The following STARD9 variants were observed in gnomAD, a reference collection of about 807,000 sequenced individuals.
The protein encoded by STARD9 is StAR related lipid transfer domain containing 9, also known as stAR-related lipid transfer protein 9.
In STARD9, 346 loss-of-function variants were observed where a neutral mutation model predicts 399.8. That is an observed-to-expected ratio of 0.87 (90% CI 0.79 to 0.95). STARD9 has a LOEUF of 0.95. Ranked by LOEUF, STARD9 falls within the 40% of genes least tolerant of loss-of-function variation. The pLI is 0.00. For missense variants in STARD9, 5,832 were observed against 5,667.5 expected, an observed-to-expected ratio of 1.03 and a Z score of -0.93; for synonymous variants, 2,203 against 2,143.5, an observed-to-expected ratio of 1.03 and a Z score of -0.77.
chr15:42,671,458 C>G (rs951281064), intron 16 of STARD9: 1 of 152,108 alleles, frequency 6.6e-6, no homozygotes. Flanking sequence ...TGCTCCTGTA[C>G]CCTTTCTCCT....
chr15:42,693,699 C>T lies in STARD9; in HGVS notation c.12121C>T (p.His4041Tyr). The T allele has an allele frequency of 6.5e-7, 1 of 1,537,136 alleles. No homozygotes were observed. The highest frequency in any genetic ancestry group is 8.7e-7 in the Non-Finnish European group (1 of 1,146,920). ...FVPEKVASPE[H>Y]CPLSGREPSQ... ...GCCTGAGAAGGTGGCTTCCCCGGAGCATTGCCCACTGAGCGGTAGGGAGCC... is the reference window on the plus strand; with the variant it reads ...GCCTGAGAAGGTGGCTTCCCCGGAGTATTGCCCACTGAGCGGTAGGGAGCC... Residue 4041 changes from histidine to tyrosine, a missense_variant, in exon 23 of 33, where the codon CAT becomes TAT. His to Tyr is a moderately conservative substitution (Grantham distance 83, BLOSUM62 2). Transcript: ENST00000290607.
chr15:42,616,487 C>T (rs765167034), intron 3 of STARD9, among the ~76,000 whole-genome samples: 1 of 152,210 alleles, frequency 6.6e-6, no homozygotes, highest in Non-Finnish European at 1.5e-5. Flanking sequence ...TTCCTGATAA[C>T]TCTGCCAACA....
chr15:42,642,611 C>T (rs1276609165), intron 7 of STARD9, among the ~76,000 whole-genome samples: 1 of 151,936 alleles, frequency 6.6e-6, no homozygotes, highest in Admixed American at 6.6e-5. Context: ...GTTCTTGTGC[C>T]TTTTTTTTCT....
At chr15:42,652,233 T>C (rs1047961033) in intron 8 of STARD9, among the ~76,000 whole-genome samples, 1 of 151,972 alleles carries the variant, frequency 6.6e-6, no homozygotes. Flanking sequence ...GCTCTAGTCT[T>C]CATTTCCCTT....
chr15:42,598,287 T>C (rs1032920272), intron 3 of STARD9, among the ~76,000 whole-genome samples: 1 of 151,878 alleles, frequency 6.6e-6, no homozygotes, highest in Non-Finnish European at 1.5e-5. Context: ...TGCCTCAGCC[T>C]CCCAAAGTGC....
chr15:42,673,819 A>G lies in STARD9; in HGVS notation c.1498-621A>G, dbSNP rs1031819414. On this transcript the variant is annotated intron_variant, in intron 16 of 32. Transcript: ENST00000290607. ...GGCCTTGTCTTCAACTAATCCACTG[A>G]TTCATTTGTACTAACTCCAGTTTCC... The G allele has an allele frequency of 4.3e-5, 18 of 421,888 alleles. 1 individual carries two copies. The Middle Eastern group carries it at 3.1e-3, about 72-fold the overall frequency. The allele number at this position is 421,888 out of a possible 1,614,324, so 26.1% of individuals were successfully genotyped here. A position where few individuals can be genotyped will look rare whatever the true frequency, so the allele number is the denominator to read the frequency against.
At chr15:42,631,114 G>A (rs1262254511) in intron 3 of STARD9, among the ~76,000 whole-genome samples, 6 of 151,282 alleles carry the variant, frequency 4.0e-5, no homozygotes, top group African/African-American at 1.5e-4. Context: ...CAAAGTGCTG[G>A]GATTACAGAC....
Position 42,693,895 on chromosome 15 carries a change from TC to T in STARD9, c.12320del (p.Pro4107LeufsTer27). 2 of 1,528,884 alleles carry T rather than the reference TC, an allele frequency of 1.3e-6. No homozygotes were observed. The highest frequency in any genetic ancestry group is 1.8e-6 in the Non-Finnish European group (2 of 1,141,528). 94.7% of individuals were successfully genotyped at this position (1,528,884 alleles called of 1,614,324 possible). ...GGGCTCCGAGGTTCTGCCTTGGGCC[TC>T]CCTCAGGCCTGCCAACCTGAGGAGT... ...TAGLRGSALG[L>X]PQACQPEELL... On this transcript the variant is annotated frameshift_variant, in exon 23 of 33. Coordinates refer to ENST00000290607, the MANE Select transcript of STARD9 (RefSeq NM_020759.3). LOFTEE classifies it high-confidence loss of function.
At chr15:42,696,495 A>G (rs1566954419) in intron 26 of STARD9, among the ~76,000 whole-genome samples, 2 of 152,202 alleles carry the variant, frequency 1.3e-5, no homozygotes. Context: ...GACTATAATG[A>G]GAGTTCTGGC....
At chr15:42,674,604 G>A (rs1566924315) in intron 17 of STARD9, 113 bp downstream of exon 17, 4 of 1,226,570 alleles carry the variant, frequency 3.3e-6, no homozygotes, top group Non-Finnish European at 4.6e-6. Context: ...GGCGTATTCA[G>A]GGCCTGCTTC....
chr15:42,718,976 T>C, intron 32 of STARD9, 66 bp downstream of exon 32: 1 of 1,457,508 alleles, frequency 6.9e-7, no homozygotes, highest in South Asian at 1.2e-5. Context: ...CCCTGGGATT[T>C]TTCTGTCTCG....
In STARD9 at chr15:42,688,217, A is replaced by G; in HGVS notation, c.6639A>G (p.Gln2213=). 1 of 1,537,500 alleles carries G rather than the reference A, an allele frequency of 6.5e-7. No homozygotes were observed. The highest frequency in any genetic ancestry group is 8.7e-7 in the Non-Finnish European group (1 of 1,146,990). Residue 2213 remains glutamine (Q), a synonymous_variant, in exon 23 of 33, where the codon CAA becomes CAG. Transcript: ENST00000290607. Reference sequence around the variant, plus strand: ...CATTGGCTAGAGCTCTGCCATTGCAACCCAGGCTAGAGAGGTCTTCTAAGA... The same window carrying G: ...CATTGGCTAGAGCTCTGCCATTGCAGCCCAGGCTAGAGAGGTCTTCTAAGA... ...MKALARALPL[Q]PRLERSSKNN...
At chr15:42,682,682 T>C (rs373493352) in intron 22 of STARD9, 107 bp downstream of exon 22, 5 of 832,468 alleles carry the variant, frequency 6.0e-6, no homozygotes, top group East Asian at 5.3e-5. Flanking sequence ...GTCTGTGAAA[T>C]GGAAGAATGT....
intron 3 of STARD9, among the ~76,000 whole-genome samples, chr15:42,622,054 TTGAC>T (rs1164786971): frequency 1.3e-5 from 2 of 152,228 alleles, no homozygotes; most frequent in Non-Finnish European, 2.9e-5. Context: ...TTTTGTTTCC[TTGAC>T]TCTACATTAA....
At chr15:42,611,697 G>T (rs1188422959) in intron 3 of STARD9, among the ~76,000 whole-genome samples, 2 of 152,112 alleles carry the variant, frequency 1.3e-5, no homozygotes, top group African/African-American at 2.4e-5. Flanking sequence ...GCTTGTTGCT[G>T]TTGGCTGTTA....
chr15:42,638,265 C>T (rs935498831), intron 6 of STARD9, 178 bp downstream of exon 6: 2 of 633,256 alleles, frequency 3.2e-6, no homozygotes, highest in African/African-American at 3.7e-5. Flanking sequence ...TTGTAGGAAA[C>T]TTAATTTCCT....
chr15:42,692,974 A>G lies in STARD9; in HGVS notation c.11396A>G (p.Tyr3799Cys), dbSNP rs1415498735. The change falls in exon 23 of 33, where the codon TAT becomes TGT. Residue 3799 changes from tyrosine (Y) to cysteine (C), a missense_variant. Physicochemically the swap from Tyr to Cys is radical, Grantham distance 194. Transcript: ENST00000290607. ...ETAQKMAQLLYLQEESTPYKP... is the reference protein window; with the variant it reads ...ETAQKMAQLLCLQEESTPYKP... Reference sequence around the variant, plus strand: ...GCACAGAAAATGGCTCAGCTCCTCTATCTTCAGGAAGAAAGCACTCCCTAC... The same window carrying G: ...GCACAGAAAATGGCTCAGCTCCTCTGTCTTCAGGAAGAAAGCACTCCCTAC... The G allele has an allele frequency of 6.5e-7, 1 of 1,537,202 alleles. No homozygotes were observed. The highest frequency in any genetic ancestry group is 2.4e-5 in the East Asian group (1 of 40,906).
At chr15:42,645,123 GTT>G in intron 7 of STARD9, among the ~76,000 whole-genome samples, 1 of 152,160 alleles carries the variant, frequency 6.6e-6, no homozygotes, top group Non-Finnish European at 1.5e-5. Flanking sequence ...ACCCCTCAAT[GTT>G]GATATTTTGA....
Position 42,685,008 on chromosome 15 carries a change from A to G in STARD9, c.3430A>G (p.Ser1144Gly). The change falls in exon 23 of 33, where the codon AGC (serine) becomes GGC (glycine). Residue 1144 changes from serine to glycine, a missense_variant. Ser to Gly is a moderately conservative substitution (Grantham distance 56). Around this residue, in one of 2 missense-constraint regions of STARD9, gnomAD observed 5,828 missense variants for 5,651.1 expected, o/e 1.03. Coordinates refer to ENST00000290607, the MANE Select transcript of STARD9 (RefSeq NM_020759.3). ...PEPENSESDD[S>G]QLSEDSLAEK... is the part of the protein sequence containing the mutation. ...GCCAGAGAACTCTGAAAGTGATGAC[A>G]GCCAACTATCTGAGGACTCACTGGC... The G allele has an allele frequency of 6.5e-7, 1 of 1,537,178 alleles. No individual in the cohort carries two copies. The highest frequency in any genetic ancestry group is 8.7e-7 in the Non-Finnish European group (1 of 1,146,942).
Sources: allele counts gnomAD v4.1 joint callset (sites outside exome capture counted in the v4.1 genomes callset), GRCh38; gene constraint gnomAD v4.1.1; regional missense constraint gnomAD v4.1.1; transcripts MANE v1.5; gene names NCBI Gene and HGNC (gene_info 2026-07-23, HGNC 2026-07-21).